Variants in SEPTIN6 observed in about 807,000 individuals in gnomAD.
SEPTIN6 encodes the protein septin-6.
Under a neutral mutation model 33.6 loss-of-function variants are expected in SEPTIN6, and 8 were observed. The observed-to-expected ratio is 0.24, with a 90% CI of 0.14 to 0.43. The LOEUF (loss-of-function observed/expected upper bound fraction) is 0.43. Among genes scored for constraint, SEPTIN6 ranks in the 20% least tolerant of loss-of-function variants. The pLI is 1.00. For synonymous variants in SEPTIN6, 131 were observed against 140.0 expected, an observed-to-expected ratio of 0.94 and a Z score of 0.45; for missense variants, 250 against 340.8, an observed-to-expected ratio of 0.73 and a Z score of 2.10.
At chrX:119,654,483 C>G (rs1331478329) in intron 3 of SEPTIN6, among the ~76,000 whole-genome samples, 1 of 111,440 alleles carries the variant, frequency 9.0e-6, no homozygotes, top group Non-Finnish European at 1.9e-5. Flanking sequence ...TTTCAGATAC[C>G]GCTGCCAGAA....
Position 119,618,430 on chromosome X carries a change from A to C in SEPTIN6, c.*1663T>G, listed in dbSNP as rs1236902201. 8.0e-6 allele frequency: 7 copies of C among 870,202 alleles called. No homozygotes were observed. The allele number at this position is 870,202 out of a possible 1,213,427, so 71.7% of individuals were successfully genotyped here. ...CTTTTTGCTTCCTATTATGATCTATAATTGAAGTGAGAAATCCCCTTCCCC... is the reference window on the plus strand; with the variant it reads ...CTTTTTGCTTCCTATTATGATCTATCATTGAAGTGAGAAATCCCCTTCCCC... On this transcript the variant is annotated 3_prime_UTR_variant, in exon 11 of 11. Transcript: ENST00000394610.
At chrX:119,690,358 C>T (rs1023414808) in intron 1 of SEPTIN6, among the ~76,000 whole-genome samples, 2 of 107,511 alleles carry the variant, frequency 1.9e-5, no homozygotes, top group South Asian at 4.2e-4. Flanking sequence ...TACACACACA[C>T]ACACACACAC....
chrX:119,684,967 A>C (rs1158451049), intron 1 of SEPTIN6, among the ~76,000 whole-genome samples: 3 of 112,081 alleles, frequency 2.7e-5, no homozygotes, highest in Non-Finnish European at 5.6e-5. Flanking sequence ...AAAAGCTGGC[A>C]GCACCCCCAA....
At chrX:119,654,092 A>T (rs73602334) in intron 3 of SEPTIN6, among the ~76,000 whole-genome samples, 22,920 of 109,494 alleles carry the variant, frequency 0.21, 1,878 homozygotes, top group South Asian at 0.3. Flanking sequence ...ACAAACAAAC[A>T]AAGTATTCAG....
At chrX:119,644,216 ACT>A (rs1443741934) in intron 5 of SEPTIN6, among the ~76,000 whole-genome samples, 2 of 110,229 alleles carry the variant, frequency 1.8e-5, no homozygotes, top group Admixed American at 9.7e-5. Flanking sequence ...AGTCTGTGTG[ACT>A]CTCTCACTCA....
At chrX:119,682,816 A>G (rs1010250020) in intron 1 of SEPTIN6, among the ~76,000 whole-genome samples, 1 of 111,510 alleles carries the variant, frequency 9.0e-6, no homozygotes, top group Non-Finnish European at 1.9e-5. Flanking sequence ...ATCTGTGTCA[A>G]TGGAGAATTT....
At chrX:119,625,233 G>A (rs1382014938) in intron 10 of SEPTIN6, 102 bp downstream of exon 10, 2 of 555,897 alleles carry the variant, frequency 3.6e-6, no homozygotes, top group South Asian at 2.8e-5. Flanking sequence ...GACCAATGAA[G>A]CAGCTTCTTC....
intron 4 of SEPTIN6, among the ~76,000 whole-genome samples, chrX:119,650,626 T>C (rs922199119): frequency 3.6e-5 from 4 of 110,717 alleles, no homozygotes; most frequent in Non-Finnish European, 7.6e-5. Context: ...TAAGAGTAAA[T>C]TGTCCCAACC....
At chrX:119,690,496 G>A (rs1230768008) in intron 1 of SEPTIN6, among the ~76,000 whole-genome samples, 1 of 109,099 alleles carries the variant, frequency 9.2e-6, no homozygotes, top group African/African-American at 3.3e-5. Context: ...AGGCTGAGGC[G>A]GGTGGATCAC....
At chrX:119,645,746 G>A (rs954487697) in intron 5 of SEPTIN6, among the ~76,000 whole-genome samples, 1 of 110,970 alleles carries the variant, frequency 9.0e-6, no homozygotes, top group Non-Finnish European at 1.9e-5. Flanking sequence ...TGGCCAGGAT[G>A]GTCTCGATCT....
rs761167270 is a variant in SEPTIN6, at chrX:119,687,248, CT to C, written c.30+5827del. On this transcript the variant is annotated intron_variant, in intron 1 of 10. Transcript: ENST00000394610. ...TTCCTTCTTTCTTTCTTTCATCTGT[CT>C]TTTTTTTTTTTTCTTTTTTGAGACG... Among the ~76,000 whole-genome samples, 226 of 97,516 alleles carry C rather than the reference CT, an allele frequency of 2.3e-3. 1 individual carries two copies. The highest frequency in any genetic ancestry group is 0.013 in the South Asian group (26 of 2,002). 84.7% of individuals were successfully genotyped at this position (97,516 alleles called of 115,157 possible).
At chrX:119,646,758 G>A in intron 5 of SEPTIN6, 1 of 295,747 alleles carries the variant, frequency 3.4e-6, no homozygotes, top group Non-Finnish European at 7.3e-6. Context: ...CAATTGGCTG[G>A]GGTGGCTGAG....
chrX:119,621,867 G>A (rs1325937120), intron 10 of SEPTIN6, among the ~76,000 whole-genome samples: 2 of 108,607 alleles, frequency 1.8e-5, no homozygotes, highest in Non-Finnish European at 3.8e-5. Context: ...TCCAACTCCT[G>A]GGCTCAAGTG....
chrX:119,641,232 C>T (rs2077735336), intron 5 of SEPTIN6, among the ~76,000 whole-genome samples: 1 of 111,160 alleles, frequency 9.0e-6, no homozygotes, highest in African/African-American at 3.3e-5. Context: ...TGCAAGAGCC[C>T]CAAGACTAGG....
At chrX:119,687,248 C>T (rs868811523) in intron 1 of SEPTIN6, among the ~76,000 whole-genome samples, 1 of 97,606 alleles carries the variant, frequency 1.0e-5, no homozygotes. Flanking sequence ...TTTCATCTGT[C>T]TTTTTTTTTT....
Position 119,619,962 on chromosome X carries a change from G to A in SEPTIN6, c.*131C>T. 8.4e-7 allele frequency: 1 copy of A among 1,193,679 alleles called. No individual in the cohort carries two copies. The highest frequency in any genetic ancestry group is 3.0e-5 in the East Asian group (1 of 33,617). On this transcript the variant is annotated 3_prime_UTR_variant, in exon 11 of 11. Coordinates refer to ENST00000394610, the MANE Select transcript of SEPTIN6 (RefSeq NM_145799.4). ...GAGAGGAGAGGGCGCGGGTTGGATT[G>A]TATGCCCCCCAGGCATGTTAAGGGG...
Position 119,617,791 on chromosome X carries a change from G to A in SEPTIN6, c.*2302C>T. On this transcript the variant is annotated 3_prime_UTR_variant, in exon 11 of 11. Transcript: ENST00000394610. ...CTCTGGGCCTTCATTTCCCCTTACGGAGTAAGTAGGTTATATCGTCTTACT... is the reference window on the plus strand; with the variant it reads ...CTCTGGGCCTTCATTTCCCCTTACGAAGTAAGTAGGTTATATCGTCTTACT... 2 of 785,558 alleles carry A rather than the reference G, an allele frequency of 2.5e-6. No individual in the cohort carries two copies. Among genetic ancestry groups the A allele is most frequent in the Non-Finnish European group, 3.1e-6 (2 of 652,323 alleles). 64.7% of individuals were successfully genotyped at this position (785,558 alleles called of 1,213,427 possible).
chrX:119,621,446 G>GGTTGTGTGTGTGTGT, intron 10 of SEPTIN6, among the ~76,000 whole-genome samples: 1 of 63,483 alleles, frequency 1.6e-5, no homozygotes, highest in Admixed American at 2.1e-4. Flanking sequence ...GCCCAGAGCT[G>GGTTGTGTGTGTGTGT]GTGTGTGTGT....
At chrX:119,636,898 C>T (rs2054069893) in intron 7 of SEPTIN6, 129 bp downstream of exon 7, 2 of 774,294 alleles carry the variant, frequency 2.6e-6, no homozygotes, top group Non-Finnish European at 1.8e-6. Context: ...AGTGAGTCGC[C>T]CCTGCTCCTT....
Sources: allele counts gnomAD v4.1 joint callset (sites outside exome capture counted in the v4.1 genomes callset), GRCh38; gene constraint gnomAD v4.1.1; transcripts MANE v1.5; gene names NCBI Gene and HGNC (gene_info 2026-07-23, HGNC 2026-07-21).